OPCML: variants seen among roughly 807,000 people sequenced by gnomAD.
OPCML encodes the protein opioid-binding protein/cell adhesion molecule.
In OPCML, 13 loss-of-function variants were observed where a neutral mutation model predicts 37.8. The ratio of observed to expected loss-of-function variants is 0.34; its 90% CI spans 0.22 to 0.55. The LOEUF (loss-of-function observed/expected upper bound fraction) is 0.55, where lower values mean the gene tolerates loss of function less well. OPCML is among the 20% of genes least tolerant of loss of function. The pLI is 0.91. For missense variants in OPCML, 341 were observed against 435.6 expected (o/e 0.78, Z 1.93); for synonymous variants, 176 against 168.8 (o/e 1.04, Z -0.33).
At chr11:132,864,485 A>G (rs980691403) in intron 2 of OPCML, among the ~76,000 whole-genome samples, 3 of 152,200 alleles carry the variant, frequency 2.0e-5, no homozygotes, top group Non-Finnish European at 4.4e-5. Flanking sequence ...AGAACTATCT[A>G]TGTCTCCACC....
chr11:132,518,402 A>G (rs1346697560), intron 4 of OPCML, among the ~76,000 whole-genome samples: 2 of 152,150 alleles, frequency 1.3e-5, no homozygotes, highest in African/African-American at 4.8e-5. Flanking sequence ...CAAAGGACCT[A>G]ACTCTTTAAA....
chr11:132,525,832 A>G (rs1193525090), intron 4 of OPCML: 1 of 152,252 alleles, frequency 6.6e-6, no homozygotes, highest in East Asian at 1.9e-4. Context: ...ATAAAATTGG[A>G]ACGATACAGA....
chr11:133,425,009 G>T (rs1037209271), intron 1 of OPCML, among the ~76,000 whole-genome samples: 1 of 152,150 alleles, frequency 6.6e-6, no homozygotes, highest in Non-Finnish European at 1.5e-5. Context: ...TGACCCAGAA[G>T]ATTAAGTTGG....
chr11:132,687,393 TATATATATATATATATATA>T (rs1943207240), intron 2 of OPCML, among the ~76,000 whole-genome samples: 3 of 81,182 alleles, frequency 3.7e-5, no homozygotes, highest in Admixed American at 3.3e-4. Context: ...TATATATATA[TATATATATATATATATATA>T]TATATATATA....
At chr11:133,233,488 T>A (rs1288495286) in intron 1 of OPCML, among the ~76,000 whole-genome samples, 3 of 152,142 alleles carry the variant, frequency 2.0e-5, no homozygotes, top group African/African-American at 7.2e-5. Flanking sequence ...ACAACCCAAC[T>A]AAAACACCCT....
At chr11:133,512,259 C>G (rs1299151969) in intron 1 of OPCML, among the ~76,000 whole-genome samples, 1 of 152,204 alleles carries the variant, frequency 6.6e-6, no homozygotes, top group African/African-American at 2.4e-5. Context: ...CACCTACCAC[C>G]CAGTCTTTGA....
At chr11:132,754,547 C>A (rs950538373) in intron 2 of OPCML, among the ~76,000 whole-genome samples, 1 of 151,986 alleles carries the variant, frequency 6.6e-6, no homozygotes, top group Non-Finnish European at 1.5e-5. Flanking sequence ...TCAGATACAT[C>A]TTTATCAGCA....
intron 3 of OPCML, among the ~76,000 whole-genome samples, chr11:132,583,221 C>T (rs1162083640): frequency 6.6e-6 from 1 of 152,050 alleles, no homozygotes; most frequent in East Asian, 1.9e-4. Context: ...GCCACCACAC[C>T]TGGCTAATTT....
intron 2 of OPCML, among the ~76,000 whole-genome samples, chr11:132,710,838 G>C (rs1274204225): frequency 2.6e-5 from 4 of 152,024 alleles, no homozygotes; most frequent in African/African-American, 9.7e-5. Context: ...CTGGATGACA[G>C]AGACAGACTC....
chr11:132,626,732 C>T (rs1939764669), intron 3 of OPCML, among the ~76,000 whole-genome samples: 2 of 151,220 alleles, frequency 1.3e-5, no homozygotes, highest in Non-Finnish European at 2.9e-5. Flanking sequence ...TCAAGCTGCC[C>T]TGAGTTTTGG....
intron 1 of OPCML, among the ~76,000 whole-genome samples, chr11:133,296,649 A>G (rs1942638883): frequency 6.6e-6 from 1 of 152,160 alleles, no homozygotes; most frequent in Admixed American, 6.5e-5. Context: ...AAGCGTGTGG[A>G]ACTCTGTAAT....
chr11:132,766,043 A>G (rs546026624), intron 2 of OPCML, among the ~76,000 whole-genome samples: 1 of 152,304 alleles, frequency 6.6e-6, no homozygotes, highest in African/African-American at 2.4e-5. Flanking sequence ...CAAATAACAT[A>G]AATTGATTAT....
chr11:132,464,494 AATATGGCCTGGT>A (rs2096113546), intron 4 of OPCML, among the ~76,000 whole-genome samples: 1 of 152,234 alleles, frequency 6.6e-6, no homozygotes, highest in Non-Finnish European at 1.5e-5. Flanking sequence ...TAATGTCTGG[AATATGGCCTGGT>A]ACAAAACAGC....
chr11:133,007,752 A>G (rs2136866126), intron 1 of OPCML: 1 of 985,472 alleles, frequency 1.0e-6, no homozygotes, highest in Non-Finnish European at 1.2e-6. Context: ...CAGAGTGGTG[A>G]AAAGACGCAG....
chr11:133,411,112 A>T (rs180753275), intron 1 of OPCML, among the ~76,000 whole-genome samples: 1 of 152,258 alleles, frequency 6.6e-6, no homozygotes, highest in East Asian at 1.9e-4. Context: ...GGTCAAGGTG[A>T]TGCTGGGACC....
chr11:132,951,477 C>G (rs1199493112), intron 1 of OPCML, among the ~76,000 whole-genome samples: 1 of 152,202 alleles, frequency 6.6e-6, no homozygotes, highest in Non-Finnish European at 1.5e-5. Flanking sequence ...ACTTTAATCA[C>G]CTCCTAAAAG....
intron 1 of OPCML, among the ~76,000 whole-genome samples, chr11:133,175,831 T>C (rs1297632366): frequency 2.0e-5 from 3 of 152,072 alleles, no homozygotes; most frequent in Admixed American, 2.0e-4. Context: ...CAAGCAAGAA[T>C]GTGCAACGGA....
intron 1 of OPCML, among the ~76,000 whole-genome samples, chr11:133,187,890 A>G (rs1938155688): frequency 6.6e-6 from 1 of 152,226 alleles, no homozygotes; most frequent in African/African-American, 2.4e-5. Context: ...GATCAGAAGG[A>G]TGAAATAAAC....
chr11:133,301,055 G>A (rs900224517), intron 1 of OPCML: 9 of 152,148 alleles, frequency 5.9e-5, no homozygotes, highest in African/African-American at 2.2e-4. Flanking sequence ...AATTGTTAGA[G>A]TAGCCATAAG....
Sources: gnomAD v4.1 joint callset for allele counts (sites outside exome capture counted in the v4.1 genomes callset) on GRCh38, gnomAD v4.1.1 for gene constraint, MANE v1.5 for transcripts, NCBI Gene and HGNC (gene_info 2026-07-23, HGNC 2026-07-21) for gene names.